Variants in PIBF1 observed in about 807,000 individuals in gnomAD.
The protein encoded by PIBF1 is progesterone immunomodulatory binding factor 1, also known as progesterone-induced-blocking factor 1.
A neutral mutation model predicts 112.5 loss-of-function variants in PIBF1; 90 were observed. The ratio of observed to expected loss-of-function variants is 0.80; its 90% CI spans 0.67 to 0.95. The LOEUF (loss-of-function observed/expected upper bound fraction) is 0.95, where lower values mean the gene tolerates loss of function less well. Ranked by LOEUF, PIBF1 falls within the 40% of genes least tolerant of loss-of-function variation. PIBF1 has a pLI of 0.00. For synonymous variants in PIBF1, 301 were observed against 288.6 expected (o/e 1.04, Z -0.44); for missense variants, 915 against 852.3 (o/e 1.07, Z -0.92).
chr13:72,982,390 C>T (rs928319777), intron 16 of PIBF1, among the ~76,000 whole-genome samples: 2 of 151,946 alleles, frequency 1.3e-5, no homozygotes, highest in Admixed American at 6.6e-5. Flanking sequence ...GAGCAGTGAT[C>T]GTGCCACTAC....
rs547615910 is a variant in PIBF1 at position 72,872,715 on chromosome 13, T to A, written c.1322+18560T>A. Among the ~76,000 whole-genome samples, 3 of 152,290 alleles carry A rather than the reference T, an allele frequency of 2.0e-5. No individual in the cohort carries two copies. The South Asian group carries it at 6.2e-4, about 32-fold the overall frequency. ...CCATGGCTAGAATTTACAAATAAAT[T>A]ACAAAAACTTTAAGTAACTTTAGCA... is the stretch of plus-strand genomic sequence containing the variant. On this transcript the variant is annotated intron_variant, in intron 10 of 17. Coordinates refer to ENST00000326291, the MANE Select transcript of PIBF1 (RefSeq NM_006346.4).
At chr13:72,872,967 A>T (rs1031252929) in intron 10 of PIBF1, among the ~76,000 whole-genome samples, 2 of 152,186 alleles carry the variant, frequency 1.3e-5, no homozygotes, top group East Asian at 3.8e-4. Flanking sequence ...GTGGAGTAAG[A>T]TATCATGTTC....
intron 14 of PIBF1, among the ~76,000 whole-genome samples, chr13:72,955,467 A>G (rs534482911): frequency 3.7e-4 from 56 of 152,186 alleles, no homozygotes; most frequent in African/African-American, 1.3e-3. Flanking sequence ...TATAAATTAT[A>G]TTCTGTTTAT....
chr13:72,983,488 C>G (rs555817971), intron 16 of PIBF1, among the ~76,000 whole-genome samples: 10 of 152,168 alleles, frequency 6.6e-5, no homozygotes, highest in Non-Finnish European at 1.3e-4. Context: ...TGGACTAATT[C>G]TTATTATCCT....
At chr13:72,849,029 G>C (rs1175374464) in intron 9 of PIBF1, among the ~76,000 whole-genome samples, 1 of 152,138 alleles carries the variant, frequency 6.6e-6, no homozygotes, top group Non-Finnish European at 1.5e-5. Flanking sequence ...AGTTATAAAA[G>C]TAGGATACTC....
In PIBF1 at chr13:72,854,014, A is replaced by C. The variant is rs761607586; in HGVS notation, c.1224-43A>C. On this transcript the variant is annotated intron_variant, in intron 9 of 17. Coordinates refer to ENST00000326291, the MANE Select transcript of PIBF1 (RefSeq NM_006346.4). ...CCATCTTTAAGAAAGAACATAGATA[A>C]ATCACGCATTTGAAATAACTGAAAT... The C allele has an allele frequency of 1.4e-5, 19 of 1,331,492 alleles. No homozygotes were observed. In the South Asian group the frequency reaches 2.2e-4, roughly 16 times the overall value. The allele number at this position is 1,331,492 out of a possible 1,614,324, so 82.5% of individuals were successfully genotyped here. A position where few individuals can be genotyped will look rare whatever the true frequency, so the allele number is the denominator to read the frequency against.
intron 9 of PIBF1, among the ~76,000 whole-genome samples, chr13:72,842,357 T>C (rs190645275): frequency 7.6e-4 from 115 of 152,266 alleles, no homozygotes; most frequent in Non-Finnish European, 1.4e-3. Flanking sequence ...AGCTTTACAA[T>C]TGTTTGAAAG....
intron 17 of PIBF1, among the ~76,000 whole-genome samples, chr13:73,010,229 G>GTTTTTTTTT (rs35486011): frequency 8.1e-6 from 1 of 123,562 alleles, no homozygotes; most frequent in Non-Finnish European, 1.6e-5. Context: ...TTCTATGCTA[G>GTTTTTTTTT]TTTTTTTTTT....
intron 14 of PIBF1, among the ~76,000 whole-genome samples, chr13:72,964,931 A>T (rs1382741468): frequency 6.6e-6 from 1 of 152,126 alleles, no homozygotes; most frequent in Admixed American, 6.6e-5. Flanking sequence ...GCATGGTAGC[A>T]GGCACCTGTA....
intron 2 of PIBF1, among the ~76,000 whole-genome samples, 194 bp from the exon 3 acceptor site, chr13:72,792,253 G>A (rs561866131): frequency 1.2e-4 from 18 of 152,192 alleles, no homozygotes; most frequent in African/African-American, 3.8e-4. Flanking sequence ...CCAAGGTTGC[G>A]CCACTGCACT....
At chr13:72,860,132 G>T (rs1254543639) in intron 10 of PIBF1, among the ~76,000 whole-genome samples, 1 of 152,176 alleles carries the variant, frequency 6.6e-6, no homozygotes, top group Non-Finnish European at 1.5e-5. Context: ...AAAGGTTGAA[G>T]CATCAAGTGG....
At chr13:72,894,526 A>G (rs944191587) in intron 11 of PIBF1, among the ~76,000 whole-genome samples, 1 of 151,944 alleles carries the variant, frequency 6.6e-6, no homozygotes, top group Non-Finnish European at 1.5e-5. Flanking sequence ...TAGTTCACAA[A>G]TGGTATAAAA....
intron 16 of PIBF1, chr13:72,974,042 A>G (rs2042963215): frequency 3.9e-6 from 1 of 258,398 alleles, no homozygotes. Context: ...TTTAAAGTTC[A>G]TAAAATTATT....
In PIBF1 at chr13:72,984,756, C is replaced by A. The variant is rs143470193; in HGVS notation, c.2049+11081C>A. Among the ~76,000 whole-genome samples the A allele has an allele frequency of 8.5e-3, 1,297 of 152,128 alleles. 65 individuals carry two copies. Among genetic ancestry groups the A allele is most frequent in the East Asian group, 9.6e-3 (50 of 5,184 alleles). The stretch of plus-strand genomic sequence containing the variant: ...TTGGTTTTTGTAAGTATTTTGATTT[C>A]TTCTTTAATCTTTTCATTATCTTCT... On this transcript the variant is annotated intron_variant, in intron 16 of 17. Transcript: ENST00000326291.
At chr13:72,923,295 C>T (rs1566451897) in intron 13 of PIBF1, among the ~76,000 whole-genome samples, 1 of 152,160 alleles carries the variant, frequency 6.6e-6, no homozygotes, top group Non-Finnish European at 1.5e-5. Flanking sequence ...ATCAGAAATA[C>T]AGACTGCCAT....
In PIBF1 at chr13:73,001,759, G is replaced by T. The variant is rs985067818; in HGVS notation, c.2223+2764G>T. 1.8e-4 allele frequency among the ~76,000 whole-genome samples: 27 copies of T among 151,554 alleles called. 2 individuals are homozygous for T. The highest frequency in any genetic ancestry group is 4.0e-4 in the Admixed American group (6 of 15,160). Reference sequence around the variant, plus strand: ...CTGCCTCATCCTCCTGAGTAGCTGGGATTACAGGCATGTGCCACAACGCCC... The same window carrying T: ...CTGCCTCATCCTCCTGAGTAGCTGGTATTACAGGCATGTGCCACAACGCCC... On this transcript the variant is annotated intron_variant, in intron 17 of 17. Transcript: ENST00000326291.
chr13:72,950,952 C>T (rs1017384911), intron 14 of PIBF1, among the ~76,000 whole-genome samples: 35 of 152,176 alleles, frequency 2.3e-4, no homozygotes, highest in African/African-American at 8.0e-4. Flanking sequence ...AAGTGAGTGC[C>T]GTGGTTTTTA....
At chr13:72,889,106 C>T (rs960893640) in intron 10 of PIBF1, among the ~76,000 whole-genome samples, 2 of 151,904 alleles carry the variant, frequency 1.3e-5, no homozygotes, top group African/African-American at 4.8e-5. Flanking sequence ...TTTAGCCTCA[C>T]AGTGGATTTG....
intron 10 of PIBF1, among the ~76,000 whole-genome samples, chr13:72,888,473 T>G (rs908533680): frequency 5.3e-5 from 8 of 152,172 alleles, no homozygotes; most frequent in African/African-American, 1.9e-4. Flanking sequence ...TTAAAATCTT[T>G]TGACCCAACA....
Sources: gnomAD v4.1 joint callset for allele counts (sites outside exome capture counted in the v4.1 genomes callset) on GRCh38, gnomAD v4.1.1 for gene constraint, MANE v1.5 for transcripts, NCBI Gene and HGNC (gene_info 2026-07-23, HGNC 2026-07-21) for gene names.